GSK3B: variants seen among roughly 807,000 people sequenced by gnomAD.
GSK3B encodes the protein glycogen synthase kinase 3 beta.
Under a neutral mutation model 56.4 loss-of-function variants are expected in GSK3B, and 15 were observed. The observed-to-expected ratio is 0.27, with a 90% CI of 0.18 to 0.41. The LOEUF is 0.41. GSK3B is among the 10% of genes least tolerant of loss of function. GSK3B has a pLI of 1.00. For missense variants in GSK3B, 300 were observed against 513.4 expected (o/e 0.58, Z 4.02); for synonymous variants, 181 against 188.9 (o/e 0.96, Z 0.34).
chr3:120,008,684 T>C (rs1004287118), intron 1 of GSK3B, among the ~76,000 whole-genome samples: 1 of 152,140 alleles, frequency 6.6e-6, no homozygotes, highest in Non-Finnish European at 1.5e-5. Context: ...GACCCCTTCC[T>C]TACACCTTAT....
At chr3:119,901,124 C>T (rs2056620598) in intron 7 of GSK3B, among the ~76,000 whole-genome samples, 1 of 152,144 alleles carries the variant, frequency 6.6e-6, no homozygotes, top group Admixed American at 6.5e-5. Flanking sequence ...GTGAACATTA[C>T]ATTTGGCAAA....
rs1319705741 is a variant in GSK3B, at chr3:119,826,584, A to G, written c.*204T>C. Reference sequence around the variant, plus strand: ...CCTCCCACCCCCTGGATCTCCCTCAAAGTGAGAATACAATGAAATTGGTTT... The same window carrying G: ...CCTCCCACCCCCTGGATCTCCCTCAGAGTGAGAATACAATGAAATTGGTTT... On this transcript the variant is annotated 3_prime_UTR_variant, in exon 11 of 11. Transcript: ENST00000264235. 2 of 656,220 alleles carry G rather than the reference A, an allele frequency of 3.0e-6. No homozygotes were observed. The highest frequency in any genetic ancestry group is 4.2e-5 in the Admixed American group (2 of 48,170). The allele number at this position is 656,220 out of a possible 1,614,324, so 40.6% of individuals were successfully genotyped here.
At chr3:120,082,607 G>A (rs2107578807) in intron 1 of GSK3B, among the ~76,000 whole-genome samples, 1 of 151,842 alleles carries the variant, frequency 6.6e-6, no homozygotes, top group Admixed American at 6.6e-5. Context: ...TCTTGGCCAG[G>A]TTGGTCTTGA....
At chr3:120,052,450 G>C (rs1401071522) in intron 1 of GSK3B, among the ~76,000 whole-genome samples, 1 of 152,118 alleles carries the variant, frequency 6.6e-6, no homozygotes, top group Non-Finnish European at 1.5e-5. Flanking sequence ...GCCTCACCAG[G>C]TTATGTTAAT....
At chr3:120,067,198 C>G (rs1216275161) in intron 1 of GSK3B, among the ~76,000 whole-genome samples, 2 of 147,238 alleles carry the variant, frequency 1.4e-5, no homozygotes, top group African/African-American at 2.5e-5. Flanking sequence ...CATAAAGGAT[C>G]TCTTCAAAAG....
Position 120,092,497 on chromosome 3 carries a change from TAAATG to T in GSK3B, c.88+845_88+849del, listed in dbSNP as rs777679752. On this transcript the variant is annotated intron_variant, in intron 1 of 10. Transcript: ENST00000264235. The stretch of plus-strand genomic sequence containing the variant: ...TGCAGTAGCACTCCAAAATTGAACT[TAAATG>T]TAATGAGCCAGTGACAACATTTAAC... Among the ~76,000 whole-genome samples the T allele has an allele frequency of 1.1e-4, 17 of 152,342 alleles. No homozygotes were observed. The East Asian group carries it at 3.3e-3, about 29-fold the overall frequency.
chr3:119,996,043 C>T (rs978409136), intron 2 of GSK3B, among the ~76,000 whole-genome samples: 13 of 152,150 alleles, frequency 8.5e-5, no homozygotes, highest in African/African-American at 2.9e-4. Context: ...TGGCCTAAGC[C>T]TGAAATTATA....
intron 1 of GSK3B, among the ~76,000 whole-genome samples, chr3:120,087,014 T>A (rs2058468862): frequency 6.6e-6 from 1 of 152,156 alleles, no homozygotes; most frequent in South Asian, 2.1e-4. Context: ...GACAACTCAA[T>A]GAATTACAAC....
At chr3:119,901,095 A>G (rs2056620135) in intron 7 of GSK3B, among the ~76,000 whole-genome samples, 1 of 152,202 alleles carries the variant, frequency 6.6e-6, no homozygotes, top group South Asian at 2.1e-4. Flanking sequence ...GAGGTGCCAA[A>G]GGACAATGTT....
chr3:119,891,847 T>C (rs994918958), intron 7 of GSK3B, among the ~76,000 whole-genome samples: 2 of 152,152 alleles, frequency 1.3e-5, no homozygotes, highest in African/African-American at 4.8e-5. Flanking sequence ...TCATGATCTT[T>C]TCATTTGTTG....
intron 2 of GSK3B, among the ~76,000 whole-genome samples, chr3:119,999,979 T>C (rs1474540861): frequency 6.6e-6 from 1 of 152,190 alleles, no homozygotes; most frequent in Admixed American, 6.5e-5. Flanking sequence ...ACATGACCAA[T>C]GAGAACTCTG....
chr3:119,916,538 T>C (rs188154974), intron 4 of GSK3B, among the ~76,000 whole-genome samples: 1 of 152,320 alleles, frequency 6.6e-6, no homozygotes, highest in East Asian at 1.9e-4. Context: ...CCCCAAATCA[T>C]GAATAATCAG....
At chr3:119,884,017 G>A (rs1234659217) in intron 7 of GSK3B, among the ~76,000 whole-genome samples, 4 of 152,188 alleles carry the variant, frequency 2.6e-5, no homozygotes, top group South Asian at 4.2e-4. Flanking sequence ...TAGTACCTGC[G>A]GTATAAGTGC....
chr3:119,870,389 T>C (rs1289335459), intron 8 of GSK3B, among the ~76,000 whole-genome samples: 2 of 152,232 alleles, frequency 1.3e-5, no homozygotes, highest in African/African-American at 4.8e-5. Flanking sequence ...ACTGGTTACA[T>C]AGAAGATACA....
At chr3:120,085,219 T>C (rs917561585) in intron 1 of GSK3B, among the ~76,000 whole-genome samples, 28 of 152,366 alleles carry the variant, frequency 1.8e-4, no homozygotes, top group Admixed American at 6.5e-4. Flanking sequence ...GTTATTACCA[T>C]ATATTATGAG....
rs1019479356 is a variant in GSK3B at position 120,093,796 on chromosome 3, G to C, written c.-362C>G. The C allele has an allele frequency of 1.2e-5, 3 of 240,460 alleles. No homozygotes were observed. Among genetic ancestry groups the C allele is most frequent in the Non-Finnish European group, 2.4e-5 (3 of 122,766 alleles). The allele number at this position is 240,460 out of a possible 1,614,324, so 14.9% of individuals were successfully genotyped here. ...ATACTTGATTGAAAATGAGTACTTC[G>C]AATATTATATTTTCCTCGGGGATTT... On this transcript the variant is annotated 5_prime_UTR_variant, in exon 1 of 11. Transcript: ENST00000264235.
Position 120,044,076 on chromosome 3 carries a change from G to A in GSK3B, c.89-41837C>T, listed in dbSNP as rs137923620. On this transcript the variant is annotated intron_variant, in intron 1 of 10. Coordinates refer to ENST00000264235, the MANE Select transcript of GSK3B (RefSeq NM_001146156.2). ...GGCCCAGATTGTCCCCTTTCCACTC[G>A]AATGGTGCTCCAGTCAACCGGGCAT... Among the ~76,000 whole-genome samples, 146 of 152,256 alleles carry A rather than the reference G, an allele frequency of 9.6e-4. 1 individual carries two copies. In the Middle Eastern group the frequency reaches 0.01, roughly 11 times the overall value.
At chr3:120,092,226 C>T (rs2058518493) in intron 1 of GSK3B, among the ~76,000 whole-genome samples, 2 of 152,134 alleles carry the variant, frequency 1.3e-5, no homozygotes, top group African/African-American at 4.8e-5. Context: ...ATATATTAAA[C>T]ACTTCAAGAG....
At chr3:119,888,524 A>G (rs997970015) in intron 7 of GSK3B, among the ~76,000 whole-genome samples, 8 of 152,058 alleles carry the variant, frequency 5.3e-5, no homozygotes, top group African/African-American at 1.9e-4. Flanking sequence ...TAAGCTGAGG[A>G]TGTACGTCAC....
Sources: allele counts gnomAD v4.1 joint callset (sites outside exome capture counted in the v4.1 genomes callset), GRCh38; gene constraint gnomAD v4.1.1; transcripts MANE v1.5; gene names NCBI Gene and HGNC (gene_info 2026-07-23, HGNC 2026-07-21).